PLXNA2: variants seen among roughly 807,000 people sequenced by gnomAD.
The protein encoded by PLXNA2 is plexin-A2.
In PLXNA2, 91 loss-of-function variants were observed where a neutral mutation model predicts 193.5. The ratio of observed to expected loss-of-function variants is 0.47; its 90% CI spans 0.40 to 0.56. The LOEUF (loss-of-function observed/expected upper bound fraction) is 0.56. PLXNA2 is among the 20% of genes least tolerant of loss of function. PLXNA2 has a pLI of 0.00. For synonymous variants in PLXNA2, 997 were observed against 1,027.3 expected, an observed-to-expected ratio of 0.97 and a Z score of 0.56; for missense variants, 1,995 against 2,503.2, an observed-to-expected ratio of 0.80 and a Z score of 4.33.
chr1:208,241,572 C>T (rs1430064115), intron 1 of PLXNA2, among the ~76,000 whole-genome samples: 4 of 152,350 alleles, frequency 2.6e-5, no homozygotes, highest in African/African-American at 9.6e-5. Flanking sequence ...CTCATGGTCC[C>T]TGGATAGAGA....
chr1:208,197,008 A>G (rs555844986), intron 3 of PLXNA2, among the ~76,000 whole-genome samples: 2 of 152,326 alleles, frequency 1.3e-5, no homozygotes, highest in East Asian at 3.9e-4. Context: ...AATCCTTCTG[A>G]AGAAGGTATT....
rs140708630 is a variant in PLXNA2 at position 208,079,380 on chromosome 1, C to T, written c.2466G>A (p.Glu822=). The change falls in exon 12 of 32, where the codon GAG becomes GAA. Residue 822 remains glutamate (E), a synonymous_variant. Transcript: ENST00000367033. ...GLCLKADRKF[E]CGWCSGERRC... ...TGCGCTCGCCGCTGCACCAGCCACACTCAAACTTCCGGTCGGCCTTGAGGC... is the reference window on the plus strand; with the variant it reads ...TGCGCTCGCCGCTGCACCAGCCACATTCAAACTTCCGGTCGGCCTTGAGGC... The T allele has an allele frequency of 1.9e-6, 3 of 1,613,868 alleles. No individual in the cohort carries two copies. The highest frequency in any genetic ancestry group is 1.7e-6 in the Non-Finnish European group (2 of 1,179,882).
intron 17 of PLXNA2, among the ~76,000 whole-genome samples, chr1:208,048,086 C>G (rs1161648317): frequency 6.6e-6 from 1 of 152,166 alleles, no homozygotes; most frequent in Non-Finnish European, 1.5e-5. Context: ...CAACATCTTC[C>G]TCTCTGCTGG....
At chr1:208,132,521 CAAT>C (rs1231934013) in intron 4 of PLXNA2, among the ~76,000 whole-genome samples, 1 of 152,130 alleles carries the variant, frequency 6.6e-6, no homozygotes, top group African/African-American at 2.4e-5. Context: ...AAGGCAAGGA[CAAT>C]AATACTTATC....
chr1:208,129,545 A>G (rs1668083410), intron 4 of PLXNA2, among the ~76,000 whole-genome samples: 1 of 152,154 alleles, frequency 6.6e-6, no homozygotes, highest in Non-Finnish European at 1.5e-5. Context: ...AAGTTTTGGG[A>G]AATAGTCCTT....
At chr1:208,159,587 C>T (rs1410850116) in intron 3 of PLXNA2, among the ~76,000 whole-genome samples, 1 of 152,248 alleles carries the variant, frequency 6.6e-6, no homozygotes, top group East Asian at 1.9e-4. Context: ...GGATTTAGGA[C>T]TCTGACAGCC....
chr1:208,219,223 G>A (rs774784065), intron 1 of PLXNA2, among the ~76,000 whole-genome samples: 23 of 152,238 alleles, frequency 1.5e-4, no homozygotes, highest in Non-Finnish European at 2.9e-4. Context: ...AGAGGGGCAA[G>A]GTGGGGCTCC....
chr1:208,082,719 C>T lies in PLXNA2; in HGVS notation c.2299-211G>A, dbSNP rs1208132784. Among the ~76,000 whole-genome samples, 1 of 152,228 alleles carries T rather than the reference C, an allele frequency of 6.6e-6. No individual in the cohort carries two copies. The highest frequency in any genetic ancestry group is 1.5e-5 in the Non-Finnish European group (1 of 68,034). On this transcript the variant is annotated intron_variant, in intron 10 of 31. Coordinates refer to ENST00000367033, the MANE Select transcript of PLXNA2 (RefSeq NM_025179.4). This position sits in a 1 kb window ranked among gnomAD's most constrained non-coding sequence, Gnocchi z 4.2. ...GCAAACTGACTCCTCCAGCTTTCTC[C>T]TCCACTGCTCTCCCGTGGAAAGCTT...
At position 208,044,996 on chromosome 1, in the gene PLXNA2, CT is replaced by C. The variant is rs1665009580; in HGVS notation, c.3639+70del. On this transcript the variant is annotated intron_variant, in intron 19 of 31. Transcript: ENST00000367033. The surrounding 1 kb of genome is among the most constrained non-coding windows in gnomAD (Gnocchi z 4.9). ...GTCAGGCAACGAGACAGAAGAGAGCCTTTCCTTAGGACAGATCACACATGCA... is the reference window on the plus strand; with the variant it reads ...GTCAGGCAACGAGACAGAAGAGAGCCTTCCTTAGGACAGATCACACATGCA... 1.3e-5 allele frequency: 20 copies of C among 1,574,302 alleles called. 1 individual carries two copies. The highest frequency in any genetic ancestry group is 3.7e-4 in the Middle Eastern group (2 of 5,340).
chr1:208,070,797 A>G (rs1665953466), intron 12 of PLXNA2, among the ~76,000 whole-genome samples: 1 of 152,202 alleles, frequency 6.6e-6, no homozygotes, highest in Non-Finnish European at 1.5e-5. Context: ...TCGAAATGAG[A>G]TGATATATGG....
rs1373505129 is a variant in PLXNA2, at chr1:208,028,773, G to A, written c.5438+57C>T. 1.1e-5 allele frequency: 17 copies of A among 1,496,368 alleles called. No individual in the cohort carries two copies. Among genetic ancestry groups the A allele is most frequent in the Non-Finnish European group, 1.4e-5 (15 of 1,084,106 alleles). The allele number at this position is 1,496,368 out of a possible 1,614,324, so 92.7% of individuals were successfully genotyped here. On this transcript the variant is annotated intron_variant, in intron 30 of 31. Coordinates refer to ENST00000367033, the MANE Select transcript of PLXNA2 (RefSeq NM_025179.4). This position sits in a 1 kb window ranked among gnomAD's most constrained non-coding sequence, Gnocchi z 4.2. ...GAGTCCTTAGTCAGTGATGACTATAGAGCGGGGAATGGGCAGGGAGACAAG... is the reference window on the plus strand; with the variant it reads ...GAGTCCTTAGTCAGTGATGACTATAAAGCGGGGAATGGGCAGGGAGACAAG...
At chr1:208,142,214 C>T (rs1668477674) in intron 4 of PLXNA2, 115 bp downstream of exon 4, 3 of 1,199,274 alleles carry the variant, frequency 2.5e-6, no homozygotes, top group Non-Finnish European at 3.4e-6. Flanking sequence ...CTCAAGACCC[C>T]TGTGCTGCAA....
chr1:208,105,598 C>A (rs986651213), intron 4 of PLXNA2, among the ~76,000 whole-genome samples: 9 of 152,216 alleles, frequency 5.9e-5, no homozygotes, highest in Non-Finnish European at 1.0e-4. Flanking sequence ...AAAGAATAAC[C>A]CTTGAACCCT....
At chr1:208,086,445 A>G (rs1471579667) in intron 9 of PLXNA2, among the ~76,000 whole-genome samples, 2 of 152,092 alleles carry the variant, frequency 1.3e-5, no homozygotes, top group African/African-American at 4.8e-5. Context: ...TTGGAGTCAC[A>G]TGATTTCTAA....
At chr1:208,233,570 T>A (rs766981730) in intron 1 of PLXNA2, among the ~76,000 whole-genome samples, 4 of 152,188 alleles carry the variant, frequency 2.6e-5, no homozygotes, top group Non-Finnish European at 5.9e-5. Context: ...TTCCTCCAGG[T>A]CAGCCACAGC....
intron 9 of PLXNA2, 139 bp from the exon 10 acceptor site, chr1:208,084,719 G>A (rs1480377389): frequency 4.1e-6 from 3 of 732,834 alleles, no homozygotes; most frequent in Non-Finnish European, 6.7e-6. Context: ...GGAATGGGCA[G>A]GGAAAATGGA....
chr1:208,063,973 TCAC>T (rs1187334145), intron 12 of PLXNA2, among the ~76,000 whole-genome samples: 1 of 152,054 alleles, frequency 6.6e-6, no homozygotes, highest in Non-Finnish European at 1.5e-5. Flanking sequence ...GCCTCACATT[TCAC>T]CACGTCTAAA....
At chr1:208,036,274 C>T (rs2102308556) in intron 26 of PLXNA2, among the ~76,000 whole-genome samples, 1 of 152,318 alleles carries the variant, frequency 6.6e-6, no homozygotes, top group East Asian at 1.9e-4. Flanking sequence ...ATTACATTAT[C>T]ATTTATAGTT....
At chr1:208,040,357 G>A in intron 22 of PLXNA2, 1 of 402,508 alleles carries the variant, frequency 2.5e-6, no homozygotes, top group Non-Finnish European at 4.5e-6. Context: ...GTGGATAAAG[G>A]CACCTCACTA....
Sources: gnomAD v4.1 joint callset for allele counts (sites outside exome capture counted in the v4.1 genomes callset) on GRCh38, gnomAD v4.1.1 for gene constraint, Gnocchi (gnomAD v3.1) non-coding constraint, MANE v1.5 for transcripts, NCBI Gene and HGNC (gene_info 2026-07-23, HGNC 2026-07-21) for gene names.